ZNF362: variants seen among roughly 807,000 people sequenced by gnomAD.
ZNF362 encodes the protein zinc finger protein 362, also known as rotund homolog.
ZNF362 carries 11 observed loss-of-function variants against 42.9 expected under a neutral mutation model. The observed-to-expected ratio is 0.26, with a 90% CI of 0.16 to 0.42. The LOEUF (loss-of-function observed/expected upper bound fraction) is 0.42. ZNF362 is among the 20% of genes least tolerant of loss of function. ZNF362 has a pLI of 1.00. For missense variants in ZNF362, 362 were observed against 576.2 expected, an observed-to-expected ratio of 0.63 and a Z score of 3.81; for synonymous variants, 255 against 257.3, an observed-to-expected ratio of 0.99 and a Z score of 0.09.
chr1:33,209,780 C>A, the ZNF362 span, among the ~76,000 whole-genome samples: 1 of 152,132 alleles, frequency 6.6e-6, no homozygotes, highest in Non-Finnish European at 1.5e-5. Context: ...TCCCCTTTAT[C>A]ATTTTTTATT....
chr1:33,241,436 C>T, the ZNF362 span, among the ~76,000 whole-genome samples: 1 of 147,620 alleles, frequency 6.8e-6, no homozygotes, highest in South Asian at 2.1e-4. Context: ...GAGGAGGTTG[C>T]AGTGAGCCGA....
At chr1:33,247,698 C>T in the ZNF362 span, among the ~76,000 whole-genome samples, 29 of 152,222 alleles carry the variant, frequency 1.9e-4, 1 homozygote, top group African/African-American at 7.0e-4. Flanking sequence ...AGTCCCCGGG[C>T]CAGTCTTGAA....
intron 4 of ZNF362, among the ~76,000 whole-genome samples, chr1:33,279,687 C>T (rs553760305): frequency 8.0e-5 from 12 of 150,386 alleles, no homozygotes; most frequent in African/African-American, 3.0e-4. Flanking sequence ...ATCCATATCA[C>T]ATTTTGGCAC....
chr1:33,148,664 G>A, the ZNF362 span, among the ~76,000 whole-genome samples: 1 of 152,146 alleles, frequency 6.6e-6, no homozygotes, highest in South Asian at 2.1e-4. Context: ...AATAGTCAGA[G>A]TATGTATCTA....
chr1:33,276,555 G>A lies in ZNF362; in HGVS notation c.310G>A (p.Val104Met), dbSNP rs778806647. Residue 104 changes from valine to methionine, a missense_variant, in exon 4 of 9, where the codon GTG becomes ATG. Physicochemically the swap from Val to Met is conservative, Grantham distance 21. Around this residue, in one of 3 missense-constraint regions of ZNF362, gnomAD observed 266 missense variants for 365.4 expected, o/e 0.73. Coordinates refer to ENST00000539719, the MANE Select transcript of ZNF362 (RefSeq NM_152493.3). ...TCCACAGGCGGTGCCGCAGCCCGAC[G>A]TGGCGCTGCACGCACGGCCGGCCAC... Reference protein sequence around the residue: ...LHPQAVPQPDVALHARPATST... With the variant: ...LHPQAVPQPDMALHARPATST... The A allele has an allele frequency of 1.5e-5, 22 of 1,467,940 alleles. No homozygotes were observed. The Admixed American group carries it at 3.1e-4, about 21-fold the overall frequency. The allele number at this position is 1,467,940 out of a possible 1,614,324, so 90.9% of individuals were successfully genotyped here. A position where few individuals can be genotyped will look rare whatever the true frequency, so the allele number is the denominator to read the frequency against.
chr1:33,211,213 G>A, the ZNF362 span, among the ~76,000 whole-genome samples: 12 of 152,264 alleles, frequency 7.9e-5, no homozygotes, highest in Non-Finnish European at 1.6e-4. Context: ...GATTACAGAT[G>A]TGAGCCACCG....
At chr1:33,244,526 C>T in the ZNF362 span, among the ~76,000 whole-genome samples, 12 of 152,264 alleles carry the variant, frequency 7.9e-5, no homozygotes, top group African/African-American at 1.4e-4. This position sits in a 1 kb window ranked among gnomAD's most constrained non-coding sequence, Gnocchi z 4.0. Flanking sequence ...ATTTTGTGAG[C>T]GAAAGTCCTT....
At position 33,280,659 on chromosome 1, in the gene ZNF362, A is replaced by G. The variant is rs541098083; in HGVS notation, c.683+202A>G. ...GGGGAGGGCTGCTGGGGAGGGGAAT[A>G]GAGGCTTGGACCCTTAGGTGTGGTC... is the stretch of plus-strand genomic sequence containing the variant. On this transcript the variant is annotated intron_variant, in intron 5 of 8. Transcript: ENST00000539719. This position sits in a 1 kb window ranked among gnomAD's most constrained non-coding sequence, Gnocchi z 5.6. Among the ~76,000 whole-genome samples the G allele has an allele frequency of 2.6e-5, 4 of 152,292 alleles. No individual in the cohort carries two copies. The highest frequency in any genetic ancestry group is 4.8e-5 in the African/African-American group (2 of 41,584).
chr1:33,174,964 TATATAC>T, the ZNF362 span, among the ~76,000 whole-genome samples: 2,748 of 108,654 alleles, frequency 0.025, 86 homozygotes, highest in African/African-American at 0.09. Context: ...TATATATATA[TATATAC>T]ACACATATAC....
At chr1:33,133,728 C>T in the ZNF362 span, among the ~76,000 whole-genome samples, 6 of 152,188 alleles carry the variant, frequency 3.9e-5, no homozygotes, top group African/African-American at 1.4e-4. Context: ...TGCTTCTGGC[C>T]CTCAGCAGCC....
the ZNF362 span, among the ~76,000 whole-genome samples, chr1:33,171,839 T>A: frequency 6.6e-6 from 1 of 152,160 alleles, no homozygotes; most frequent in Non-Finnish European, 1.5e-5. Context: ...TGGGGTGTAG[T>A]GGTGCGATCT....
the ZNF362 span, among the ~76,000 whole-genome samples, chr1:33,144,188 G>A: frequency 6.6e-6 from 1 of 151,496 alleles, no homozygotes; most frequent in African/African-American, 2.4e-5. Context: ...CCAGGCTGGA[G>A]TGCAATGGCG....
rs1340116015 is a variant in ZNF362, at chr1:33,280,776, T to A, written c.683+319T>A. Among the ~76,000 whole-genome samples, 1 of 152,126 alleles carries A rather than the reference T, an allele frequency of 6.6e-6. No individual in the cohort carries two copies. The highest frequency in any genetic ancestry group is 1.5e-5 in the Non-Finnish European group (1 of 68,020). On this transcript the variant is annotated intron_variant, in intron 5 of 8. Transcript: ENST00000539719. The surrounding 1 kb of genome is among the most constrained non-coding windows in gnomAD (Gnocchi z 5.6). ...GTTCTCAACCCTGGCCACCTTAGAA[T>A]CACCTGAAGAGGCCGTGCACAATGG...
Position 33,299,408 on chromosome 1 carries a change from T to G in ZNF362, c.*362T>G. 1 of 184,394 alleles carries G rather than the reference T, an allele frequency of 5.4e-6. No homozygotes were observed. Among genetic ancestry groups the G allele is most frequent in the Non-Finnish European group, 1.1e-5 (1 of 87,144 alleles). The allele number at this position is 184,394 out of a possible 1,614,324, so 11.4% of individuals were successfully genotyped here. On this transcript the variant is annotated 3_prime_UTR_variant, in exon 9 of 9. Transcript: ENST00000539719. ...GAAAAGATATTTATTGGCCAGGAAGTTGGTGCTGCTAAGACCGAGAAATTT... is the reference window on the plus strand; with the variant it reads ...GAAAAGATATTTATTGGCCAGGAAGGTGGTGCTGCTAAGACCGAGAAATTT...
chr1:33,238,613 A>T, the ZNF362 span, among the ~76,000 whole-genome samples: 30,265 of 151,916 alleles, frequency 0.2, 3,440 homozygotes, highest in South Asian at 0.28. Flanking sequence ...GTTGTTATGG[A>T]CTGAATTGTG....
chr1:33,251,470 C>T, the ZNF362 span, among the ~76,000 whole-genome samples: 2 of 152,192 alleles, frequency 1.3e-5, no homozygotes, highest in African/African-American at 2.4e-5. Context: ...GCACCCCCAC[C>T]GCTTCCCTAC....
At chr1:33,139,772 G>C in the ZNF362 span, among the ~76,000 whole-genome samples, 3 of 152,194 alleles carry the variant, frequency 2.0e-5, no homozygotes, top group African/African-American at 7.2e-5. Flanking sequence ...GCTGAGTGCT[G>C]AGGATGGGGG....
At chr1:33,147,775 G>A in the ZNF362 span, 3 of 1,574,432 alleles carry the variant, frequency 1.9e-6, no homozygotes, top group Admixed American at 5.2e-5. The surrounding 1 kb of genome is among the most constrained non-coding windows in gnomAD (Gnocchi z 8.1). Context: ...AGAAGGCTGT[G>A]GACCCACCAT....
the ZNF362 span, among the ~76,000 whole-genome samples, chr1:33,192,914 AATAG>A: frequency 6.6e-6 from 1 of 151,938 alleles, no homozygotes; most frequent in Non-Finnish European, 1.5e-5. Context: ...AAAGTTAAAA[AATAG>A]ATAGTATGAC....
Sources: allele counts gnomAD v4.1 joint callset (sites outside exome capture counted in the v4.1 genomes callset), GRCh38; gene constraint gnomAD v4.1.1; regional missense constraint gnomAD v4.1.1; non-coding constraint Gnocchi (gnomAD v3.1); transcripts MANE v1.5; gene names NCBI Gene and HGNC (gene_info 2026-07-23, HGNC 2026-07-21).